ANKRD35: variants seen among roughly 807,000 people sequenced by gnomAD.
ANKRD35 encodes ankyrin repeat domain 35, also known as ankyrin repeat domain-containing protein 35.
Under a neutral mutation model 109.9 loss-of-function variants are expected in ANKRD35, and 102 were observed. That is an observed-to-expected ratio of 0.93 (90% CI 0.79 to 1.09). The LOEUF is 1.09. Ranked by LOEUF, ANKRD35 falls within the 50% of genes least tolerant of loss-of-function variation. The pLI, the probability that ANKRD35 is intolerant of heterozygous loss-of-function variation, is 0.00. For synonymous variants in ANKRD35, 515 were observed against 512.4 expected, an observed-to-expected ratio of 1.01 and a Z score of -0.07; for missense variants, 1,240 against 1,230.1, an observed-to-expected ratio of 1.01 and a Z score of -0.12.
In ANKRD35 at chr1:145,879,277, C is replaced by G; in HGVS notation, c.151G>C (p.Asp51His). The G allele has an allele frequency of 1.2e-6, 2 of 1,609,606 alleles. No individual in the cohort carries two copies. Among genetic ancestry groups the G allele is most frequent in the Non-Finnish European group, 1.7e-6 (2 of 1,178,074 alleles). Residue 51 changes from aspartate to histidine, a missense_variant, in exon 2 of 14, where the codon GAC becomes CAC. Asp to His is a moderately conservative substitution (Grantham distance 81). Transcript: ENST00000355594. ...ACTTACGGGGACTGGCCATTCGAGTCAAGCTTGGTGGGTCGGGCAGATTTC... is the reference window on the plus strand; with the variant it reads ...ACTTACGGGGACTGGCCATTCGAGTGAAGCTTGGTGGGTCGGGCAGATTTC... ...SRKSARPTKL[D>H]SNGQSPFHLA... is the part of the protein sequence containing the mutation.
At position 145,878,445 on chromosome 1, in the gene ANKRD35, A is replaced by G. The variant is rs1654165872; in HGVS notation, c.205T>C (p.Cys69Arg). 2.5e-6 allele frequency: 4 copies of G among 1,572,926 alleles called. No homozygotes were observed. The East Asian group carries it at 9.3e-5, about 37-fold the overall frequency. ...CCATTTGCAAGCAGGATAGTCAGAC[A>G]TTCTGTCAGGCCTTTGGAGGCTGCC... The part of the protein sequence containing the change: ...HLAASKGLTE[C>R]LTILLANGAD... Residue 69 changes from cysteine (C) to arginine (R), a missense_variant, in exon 3 of 14, where the codon TGT becomes CGT. Coordinates refer to ENST00000355594, the MANE Select transcript of ANKRD35 (RefSeq NM_144698.5).
chr1:145,880,356 G>T (rs1654243237), intron 1 of ANKRD35, among the ~76,000 whole-genome samples: 1 of 152,214 alleles, frequency 6.6e-6, no homozygotes, highest in African/African-American at 2.4e-5. Flanking sequence ...TGATGTAAAG[G>T]CTGCCAGACA....
rs782365306 is a variant in ANKRD35, at chr1:145,876,242, C to A, written c.458G>T (p.Gly153Val). 6.2e-7 allele frequency: 1 copy of A among 1,610,730 alleles called. No homozygotes were observed. Among genetic ancestry groups the A allele is most frequent in the East Asian group, 2.2e-5 (1 of 44,758 alleles). The change falls in exon 7 of 14, where the codon GGA becomes GTA. Residue 153 changes from glycine (G) to valine (V), a missense_variant. Physicochemically the swap from Gly to Val is moderately radical, Grantham distance 109. Transcript: ENST00000355594. ...EAFLDVLDND[G>V]RTPLMIASLG... The stretch of plus-strand genomic sequence containing the variant: ...CGATGCGATCATCAGGGGTGTACGT[C>A]CATCCTGCACAGATTGTAGGAAGAG...
At position 145,872,235 on chromosome 1, in the gene ANKRD35, T is replaced by C; in HGVS notation, c.2534A>G (p.Gln845Arg). 6.2e-7 allele frequency: 1 copy of C among 1,611,126 alleles called. No individual in the cohort carries two copies. The highest frequency in any genetic ancestry group is 8.5e-7 in the Non-Finnish European group (1 of 1,178,746). ...TAGCTCCTGGCCCCAAGCCTGAGCC[T>C]GGGCCACCAGCGAACCCCGAGTTTT... The part of the protein sequence containing the change: ...HEKTRGSLVA[Q>R]AQAWGQELKA... The change falls in exon 10 of 14, where the codon CAG becomes CGG. Residue 845 changes from glutamine to arginine, a missense_variant. Physicochemically the swap from Gln to Arg is conservative, Grantham distance 43. Transcript: ENST00000355594.
rs1653911546 is a variant in ANKRD35 at position 145,873,134 on chromosome 1, C to T, written c.1635G>A (p.Leu545=). The T allele has an allele frequency of 6.2e-7, 1 of 1,614,084 alleles. No homozygotes were observed. Among genetic ancestry groups the T allele is most frequent in the Admixed American group, 1.7e-5 (1 of 60,030 alleles). The change falls in exon 10 of 14, where the codon CTG becomes CTA. Residue 545 remains leucine (L), a synonymous_variant. Transcript: ENST00000355594. ...CTGCCTTTGCCCATTCCAGCCTTGC[C>T]AGCACCCGCTCCAGTCGGGCTTCCA... ...EKMEARLERV[L]ARLEWAKAGL... is the part of the protein sequence containing the mutation.
At chr1:145,881,157 G>A (rs1393964416) in intron 1 of ANKRD35, among the ~76,000 whole-genome samples, 6 of 152,068 alleles carry the variant, frequency 3.9e-5, no homozygotes, top group African/African-American at 1.2e-4. Flanking sequence ...GGTGGTGGCC[G>A]GTGCCTGTAA....
chr1:145,871,153 C>CTTTTTCTTTTTTTTTTTT (rs1559171865), intron 10 of ANKRD35, among the ~76,000 whole-genome samples: 1 of 78,098 alleles, frequency 1.3e-5, no homozygotes, highest in African/African-American at 4.7e-5. Context: ...TTTCTTTTTT[C>CTTTTTCTTTTTTTTTTTT]TTTTTTTTTT....
Position 145,872,025 on chromosome 1 carries a change from TTC to T in ANKRD35, c.2742_2743del (p.Lys915AspfsTer51). ...GCAAGCCCCAATGAGATGCTCCATC[TTC>T]TCTTTCAGCAGCTCTGCCGTTTTCT... On this transcript the variant is annotated frameshift_variant, in exon 10 of 14. Transcript: ENST00000355594. LOFTEE classifies it high-confidence loss of function. 1 of 1,613,322 alleles carries T rather than the reference TTC, an allele frequency of 6.2e-7. No homozygotes were observed. The highest frequency in any genetic ancestry group is 8.5e-7 in the Non-Finnish European group (1 of 1,179,956).
At chr1:145,875,265 C>T (rs1007221797) in intron 7 of ANKRD35, among the ~76,000 whole-genome samples, 4 of 151,884 alleles carry the variant, frequency 2.6e-5, no homozygotes, top group African/African-American at 9.7e-5. Context: ...CCTGCCTCAA[C>T]CTCCCGAGTA....
chr1:145,881,906 G>A (rs1654300512), intron 1 of ANKRD35, among the ~76,000 whole-genome samples: 1 of 151,108 alleles, frequency 6.6e-6, no homozygotes, highest in Non-Finnish European at 1.5e-5. Flanking sequence ...TGTACAGATG[G>A]TAAAGATGCT....
rs782547329 is a variant in ANKRD35 at position 145,871,973 on chromosome 1, G to T, written c.2787+9C>A. The T allele has an allele frequency of 2.5e-6, 4 of 1,608,514 alleles. No individual in the cohort carries two copies. Among genetic ancestry groups the T allele is most frequent in the Non-Finnish European group, 3.4e-6 (4 of 1,179,898 alleles). The stretch of plus-strand genomic sequence containing the variant: ...CCCAGTGCTCCCCAGGGCTACCTCA[G>T]CTGCTCACCTTGGCTTCCTTGTCTC... On this transcript the variant is annotated intron_variant, in intron 10 of 13. Transcript: ENST00000355594.
In ANKRD35 at chr1:145,868,480, TG is replaced by T. The variant is rs1242131469; in HGVS notation, c.2788-81del. ...AGGGTCAAGGTCAGCTTCCTTTTACTGAGTATTTAATATGTGCCAATTTTAT... is the reference window on the plus strand; with the variant it reads ...AGGGTCAAGGTCAGCTTCCTTTTACTAGTATTTAATATGTGCCAATTTTAT... On this transcript the variant is annotated intron_variant, in intron 10 of 13. Transcript: ENST00000355594. The T allele has an allele frequency of 1.6e-5, 20 of 1,243,318 alleles. No homozygotes were observed. In the African/African-American group the frequency reaches 3.0e-4, roughly 19 times the overall value. 77.0% of individuals were successfully genotyped at this position (1,243,318 alleles called of 1,614,324 possible). A position where few individuals can be genotyped will look rare whatever the true frequency, so the allele number is the denominator to read the frequency against.
At chr1:145,871,116 GCTTTTTTTCTTTCTTT>G (rs1653793466) in intron 10 of ANKRD35, among the ~76,000 whole-genome samples, 1 of 47,906 alleles carries the variant, frequency 2.1e-5, no homozygotes, top group African/African-American at 7.0e-5. Context: ...TGGTTTTCAA[GCTTTTTTTCTTTCTTT>G]CTTTCTTTCT....
chr1:145,878,489 T>A lies in ANKRD35; in HGVS notation c.171-10A>T. The A allele has an allele frequency of 6.4e-7, 1 of 1,561,460 alleles. No individual in the cohort carries two copies. The highest frequency in any genetic ancestry group is 1.2e-5 in the South Asian group (1 of 84,706). On this transcript the variant is annotated splice_polypyrimidine_tract_variant and intron_variant, in intron 2 of 13. Coordinates refer to ENST00000355594, the MANE Select transcript of ANKRD35 (RefSeq NM_144698.5). ...GGCTGCCAGATGAAACCTGCCAGAA[T>A]CAAGGCCGAGAGGCCAAAGGATAAA...
intron 12 of ANKRD35, among the ~76,000 whole-genome samples, 155 bp downstream of exon 12, chr1:145,867,836 T>C (rs1218379798): frequency 1.3e-5 from 2 of 152,098 alleles, no homozygotes; most frequent in African/African-American, 4.8e-5. Context: ...CCTCTCTTGA[T>C]CTACCAAATG....
Position 145,873,280 on chromosome 1 carries a change from C to A in ANKRD35, c.1489G>T (p.Glu497Ter). 1 of 1,614,170 alleles carries A rather than the reference C, an allele frequency of 6.2e-7. No individual in the cohort carries two copies. The highest frequency in any genetic ancestry group is 8.5e-7 in the Non-Finnish European group (1 of 1,179,996). ...TCTCGCCACACTGCAGCAAGCTCCT[C>A]CCTTAGTTGAAGCAGAAGCTGGTTC... ...AMNQLLLQLREELAAVWREKD... is the reference protein window; with the variant it reads ...AMNQLLLQLR The change falls in exon 10 of 14, where the codon GAG becomes TAG. Residue 497 changes from glutamate (E) to a stop codon, truncating the protein, a stop_gained. Transcript: ENST00000355594. LOFTEE classifies it high-confidence loss of function.
At chr1:145,875,117 A>G (rs915990179) in intron 7 of ANKRD35, 111 bp from the exon 8 acceptor site, 23 of 1,070,492 alleles carry the variant, frequency 2.1e-5, no homozygotes, top group Middle Eastern at 2.2e-4. Context: ...TCAGGAGAAC[A>G]ACAGACCAAC....
chr1:145,883,076 A>ATTTTTTTTTTTTTTTTTTTTTTTTTTTT, intron 1 of ANKRD35, among the ~76,000 whole-genome samples: 1 of 83,428 alleles, frequency 1.2e-5, no homozygotes, highest in Non-Finnish European at 2.4e-5. Flanking sequence ...GACAGTACCA[A>ATTTTTTTTTTTTTTTTTTTTTTTTTTTT]TTTTTTTTTT....
At chr1:145,875,130 TA>T in intron 7 of ANKRD35, 124 bp from the exon 8 acceptor site, 7 of 838,614 alleles carry the variant, frequency 8.3e-6, no homozygotes, top group Non-Finnish European at 1.2e-5. Context: ...AGACCAACAT[TA>T]GACCAGACTA....
Sources: allele counts gnomAD v4.1 joint callset (sites outside exome capture counted in the v4.1 genomes callset), GRCh38; gene constraint gnomAD v4.1.1; transcripts MANE v1.5; gene names NCBI Gene and HGNC (gene_info 2026-07-23, HGNC 2026-07-21).